METTL25: variants seen among roughly 807,000 people sequenced by gnomAD.
METTL25 encodes methyltransferase like 25.
METTL25 carries 64 observed loss-of-function variants against 71.6 expected under a neutral mutation model. The ratio of observed to expected loss-of-function variants is 0.89; its 90% CI spans 0.73 to 1.10. The LOEUF is 1.10. METTL25 is among the 50% of genes least tolerant of loss of function. METTL25 has a pLI of 0.00. For missense variants in METTL25, 807 were observed against 707.0 expected (o/e 1.14, Z -1.60); for synonymous variants, 287 against 250.3 (o/e 1.15, Z -1.38).
rs571773461 is a variant in METTL25, at chr12:82,425,056, TATC to T, written c.1280-5834_1280-5832del. Among the ~76,000 whole-genome samples the T allele has an allele frequency of 1.6e-4, 24 of 152,156 alleles. No homozygotes were observed. The East Asian group carries it at 4.3e-3, about 27-fold the overall frequency. On this transcript the variant is annotated intron_variant, in intron 5 of 11. Coordinates refer to ENST00000248306, the MANE Select transcript of METTL25 (RefSeq NM_032230.3). ...AGCCTGAGAAAACTAATACAAGAAT[TATC>T]ATTGTGTATTACGGTATAGATAAGA... is the stretch of plus-strand genomic sequence containing the variant.
chr12:82,467,453 C>A (rs1005083397), intron 9 of METTL25, among the ~76,000 whole-genome samples: 1 of 151,956 alleles, frequency 6.6e-6, no homozygotes, highest in Non-Finnish European at 1.5e-5. Context: ...TTTTAAAGGC[C>A]AGTCTAAGGG....
At chr12:82,406,366 T>A (rs1485798919) in intron 5 of METTL25, among the ~76,000 whole-genome samples, 1 of 152,126 alleles carries the variant, frequency 6.6e-6, no homozygotes, top group African/African-American at 2.4e-5. Context: ...TTTTTATGTA[T>A]CTTTCTAGAA....
In METTL25 at chr12:82,478,979, A is replaced by G. The variant is rs1893044700; in HGVS notation, c.1767A>G (p.Lys589=). 4.3e-6 allele frequency: 7 copies of G among 1,612,828 alleles called. No homozygotes were observed. The East Asian group carries it at 1.6e-4, about 36-fold the overall frequency. The change falls in exon 12 of 12, where the codon AAA becomes AAG. Residue 589 remains lysine, a synonymous_variant. Coordinates refer to ENST00000248306, the MANE Select transcript of METTL25 (RefSeq NM_032230.3). The part of the protein sequence containing the change: ...SALVKLFDPV[K]SPRCYAVIAL... ...TTGTGAAGTTGTTTGATCCCGTGAAATCTCCCAGATGTTATGCTGTTATTG... is the reference window on the plus strand; with the variant it reads ...TTGTGAAGTTGTTTGATCCCGTGAAGTCTCCCAGATGTTATGCTGTTATTG...
intron 5 of METTL25, among the ~76,000 whole-genome samples, chr12:82,412,730 C>A (rs957864576): frequency 4.6e-5 from 7 of 151,946 alleles, no homozygotes; most frequent in African/African-American, 1.5e-4. Flanking sequence ...GAATAAGTTT[C>A]TTTTGACAAG....
At chr12:82,467,323 A>T (rs1377773457) in intron 9 of METTL25, among the ~76,000 whole-genome samples, 1 of 151,970 alleles carries the variant, frequency 6.6e-6, no homozygotes, top group African/African-American at 2.4e-5. Flanking sequence ...TTCTGCAATG[A>T]TAAAGTTTGA....
At chr12:82,432,548 G>A (rs1458698822) in intron 6 of METTL25, among the ~76,000 whole-genome samples, 5 of 151,600 alleles carry the variant, frequency 3.3e-5, no homozygotes, top group Admixed American at 6.6e-5. Flanking sequence ...AGAATAGATT[G>A]TATCCATAAA....
At chr12:82,473,896 C>T (rs762210839) in intron 9 of METTL25, among the ~76,000 whole-genome samples, 5 of 152,076 alleles carry the variant, frequency 3.3e-5, no homozygotes, top group Admixed American at 1.3e-4. Context: ...CAGTCAGCCA[C>T]CCATATGGGC....
intron 5 of METTL25, among the ~76,000 whole-genome samples, chr12:82,413,205 T>C (rs893752597): frequency 7.2e-5 from 11 of 151,900 alleles, no homozygotes; most frequent in African/African-American, 2.7e-4. Context: ...GACTTTGAAA[T>C]GATGAGAACA....
intron 1 of METTL25, among the ~76,000 whole-genome samples, chr12:82,384,605 T>A (rs1049605443): frequency 6.7e-6 from 1 of 149,026 alleles, no homozygotes; most frequent in African/African-American, 2.5e-5. Context: ...ATTAGAAAAC[T>A]ACCCTTTTTT....
Position 82,429,589 on chromosome 12 carries a change from T to C in METTL25, c.1280-1304T>C, listed in dbSNP as rs937737679. On this transcript the variant is annotated intron_variant, in intron 5 of 11. Transcript: ENST00000248306. ...ATCCAGTAATGGGATTTCTGGATTG[T>C]ATGTATGGTAGTTCTGTTTTTGTTT... 2.0e-5 allele frequency among the ~76,000 whole-genome samples: 3 copies of C among 151,708 alleles called. No homozygotes were observed. The Admixed American group carries it at 2.0e-4, about 10-fold the overall frequency.
intron 8 of METTL25, among the ~76,000 whole-genome samples, chr12:82,448,247 A>T (rs1890894707): frequency 2.0e-5 from 3 of 152,100 alleles, no homozygotes; most frequent in Non-Finnish European, 4.4e-5. Flanking sequence ...AATAATTGAA[A>T]CATTATCCTG....
Position 82,403,050 on chromosome 12 carries a change from C to A in METTL25, c.1199C>A (p.Ser400Tyr). The change falls in exon 5 of 12, where the codon TCC becomes TAC. Residue 400 changes from serine to tyrosine, a missense_variant. Coordinates refer to ENST00000248306, the MANE Select transcript of METTL25 (RefSeq NM_032230.3). ...LAPNTLRIFT[S>Y]NSEIKGVCSV... is the part of the protein sequence containing the mutation. ...CCAAATACTTTGCGAATATTTACCT[C>A]CAACTCTGAAATCAAGGGAGTTTGC... is the stretch of plus-strand genomic sequence containing the variant. The A allele has an allele frequency of 6.2e-7, 1 of 1,613,368 alleles. No homozygotes were observed. Among genetic ancestry groups the A allele is most frequent in the South Asian group, 1.1e-5 (1 of 91,014 alleles).
rs547383583 is a variant in METTL25 at position 82,386,580 on chromosome 12, T to C, written c.260-223T>C. 2.0e-5 allele frequency among the ~76,000 whole-genome samples: 3 copies of C among 152,076 alleles called. No individual in the cohort carries two copies. The South Asian group carries it at 6.2e-4, about 32-fold the overall frequency. ...GCCTGATTGTAATTTGGAGTTTCAA[T>C]TTTTAATTGCATAAAATATTAAGAG... On this transcript the variant is annotated intron_variant, in intron 1 of 11. Coordinates refer to ENST00000248306, the MANE Select transcript of METTL25 (RefSeq NM_032230.3).
intron 1 of METTL25, among the ~76,000 whole-genome samples, chr12:82,360,819 G>C (rs1273862045): frequency 2.0e-5 from 3 of 152,170 alleles, no homozygotes; most frequent in Non-Finnish European, 2.9e-5. Context: ...CTCTCAGTGA[G>C]TATTATAGTT....
rs1886482787 is a variant in METTL25, at chr12:82,400,247, G to T, written c.1131+853G>T. 2.0e-5 allele frequency among the ~76,000 whole-genome samples: 3 copies of T among 151,998 alleles called. No homozygotes were observed. The South Asian group carries it at 6.2e-4, about 32-fold the overall frequency. On this transcript the variant is annotated intron_variant, in intron 4 of 11. Coordinates refer to ENST00000248306, the MANE Select transcript of METTL25 (RefSeq NM_032230.3). ...CTCGGGAGGCTGAGGCAGGAGAATGGCATGAACCCTGGAGGTGGAGCTTGC... is the reference window on the plus strand; with the variant it reads ...CTCGGGAGGCTGAGGCAGGAGAATGTCATGAACCCTGGAGGTGGAGCTTGC...
chr12:82,451,980 A>G (rs1054579780), intron 8 of METTL25, among the ~76,000 whole-genome samples: 1 of 152,088 alleles, frequency 6.6e-6, no homozygotes, highest in Admixed American at 6.6e-5. Context: ...TGTCTGTTTA[A>G]TGACAGAAGT....
chr12:82,359,393 AGGCAAG>A (rs1383585651), intron 1 of METTL25, among the ~76,000 whole-genome samples: 1 of 152,136 alleles, frequency 6.6e-6, no homozygotes, highest in African/African-American at 2.4e-5. Context: ...GCAGGACGGG[AGGCAAG>A]CAGAGGCCAG....
rs1410303534 is a variant in METTL25, at chr12:82,438,725, C to T, written c.1412C>T (p.Thr471Ile). Residue 471 changes from threonine (T) to isoleucine (I), a missense_variant, in exon 8 of 12, where the codon ACT (threonine) becomes ATT (isoleucine). By Grantham distance (89) the Thr-to-Ile change is moderately conservative (BLOSUM62 -1). Transcript: ENST00000248306. Reference protein sequence around the residue: ...ERVAAGQGLPTESLFYRAVLQ... With the variant: ...ERVAAGQGLPIESLFYRAVLQ... ...TGTCTACATTTTTTTCAGCTGCCTA[C>T]TGAATCACTCTTCTATCGTGCTGTT... is the stretch of plus-strand genomic sequence containing the variant. The T allele has an allele frequency of 2.0e-6, 3 of 1,482,960 alleles. No homozygotes were observed. Among genetic ancestry groups the T allele is most frequent in the Middle Eastern group, 3.6e-4 (2 of 5,568 alleles). 91.9% of individuals were successfully genotyped at this position (1,482,960 alleles called of 1,614,324 possible).
intron 5 of METTL25, among the ~76,000 whole-genome samples, chr12:82,415,947 T>A (rs1403735451): frequency 6.6e-6 from 1 of 152,158 alleles, no homozygotes; most frequent in African/African-American, 2.4e-5. Context: ...ATAAATTTAA[T>A]CATTGTATTG....
Sources: gnomAD v4.1 joint callset for allele counts (sites outside exome capture counted in the v4.1 genomes callset) on GRCh38, gnomAD v4.1.1 for gene constraint, MANE v1.5 for transcripts, NCBI Gene and HGNC (gene_info 2026-07-23, HGNC 2026-07-21) for gene names.